MROH1: variants seen among roughly 807,000 people sequenced by gnomAD.
The protein encoded by MROH1 is maestro heat-like repeat-containing protein family member 1.
MROH1 carries 117 observed loss-of-function variants against 116.5 expected under a neutral mutation model. The ratio of observed to expected loss-of-function variants is 1.00; its 90% CI spans 0.86 to 1.17. MROH1 has a LOEUF of 1.17. Ranked by LOEUF, MROH1 falls within the 50% of genes most tolerant of loss-of-function variation. The pLI, the probability that MROH1 is intolerant of heterozygous loss-of-function variation, is 0.00. For synonymous variants in MROH1, 921 were observed against 583.9 expected (o/e 1.58, Z -8.32); for missense variants, 1,873 against 1,338.5 (o/e 1.40, Z -6.23).
At position 144,180,046 on chromosome 8, in the gene MROH1, C is replaced by T; in HGVS notation, c.301-132C>T. ...CAGCCCCTCAGCAGAGGAGGCTGTGCCCGCCACCTTCCCTGACCTGCACTT... is the reference window on the plus strand; with the variant it reads ...CAGCCCCTCAGCAGAGGAGGCTGTGTCCGCCACCTTCCCTGACCTGCACTT... On this transcript the variant is annotated intron_variant, in intron 5 of 43. Coordinates refer to ENST00000326134, the MANE Select transcript of MROH1 (RefSeq NM_032450.3). The surrounding 1 kb of genome is among the most constrained non-coding windows in gnomAD (Gnocchi z 7.4). The T allele has an allele frequency of 2.6e-6, 3 of 1,133,490 alleles. No homozygotes were observed. The highest frequency in any genetic ancestry group is 4.8e-5 in the East Asian group (2 of 41,998). The allele number at this position is 1,133,490 out of a possible 1,614,324, so 70.2% of individuals were successfully genotyped here. A position where few individuals can be genotyped will look rare whatever the true frequency, so the allele number is the denominator to read the frequency against.
chr8:144,216,001 A>G (rs980912516), intron 12 of MROH1, among the ~76,000 whole-genome samples: 4 of 151,634 alleles, frequency 2.6e-5, no homozygotes, highest in African/African-American at 9.7e-5. Context: ...CCTGGCCAAC[A>G]TGGTGAAACC....
At chr8:144,230,802 C>CTT (rs1161687289) in intron 14 of MROH1, among the ~76,000 whole-genome samples, 46 of 68,602 alleles carry the variant, frequency 6.7e-4, no homozygotes, top group African/African-American at 2.1e-3. Context: ...AAAAGGTTTT[C>CTT]TTTTTTTTTT....
At position 144,260,736 on chromosome 8, in the gene MROH1, C is replaced by T. The variant is rs1844882612; in HGVS notation, c.4440C>T (p.Cys1480=). The T allele has an allele frequency of 9.0e-6, 7 of 779,512 alleles. No individual in the cohort carries two copies. The highest frequency in any genetic ancestry group is 5.1e-5 in the African/African-American group (3 of 59,278). The allele number at this position is 779,512 out of a possible 1,614,324, so 48.3% of individuals were successfully genotyped here. Residue 1480 remains cysteine, a synonymous_variant, in exon 40 of 44, where the codon TGC becomes TGT. Coordinates refer to ENST00000326134, the MANE Select transcript of MROH1 (RefSeq NM_032450.3). ...IRLFGHLNKV[C]HGDCEDVFLD... ...TCTTTGGGCACCTTAACAAGGTCTG[C>T]CACGGAGACTGTGAGGACGTCTTCC...
intron 12 of MROH1, among the ~76,000 whole-genome samples, chr8:144,203,572 G>A (rs1273169714): frequency 2.0e-5 from 3 of 152,040 alleles, no homozygotes; most frequent in Non-Finnish European, 4.4e-5. Context: ...AGAGAGAGAA[G>A]CGCAGGCTCT....
intron 1 of MROH1, among the ~76,000 whole-genome samples, chr8:144,152,751 G>A (rs1817147826): frequency 1.3e-5 from 2 of 152,152 alleles, no homozygotes; most frequent in East Asian, 1.9e-4. Context: ...GTTTTACTGT[G>A]TTGGCCAGGA....
At chr8:144,214,809 C>T (rs1834907694) in intron 12 of MROH1, among the ~76,000 whole-genome samples, 1 of 152,114 alleles carries the variant, frequency 6.6e-6, no homozygotes, top group Non-Finnish European at 1.5e-5. Flanking sequence ...TAATAGGATA[C>T]ATGTGTATAT....
intron 10 of MROH1, among the ~76,000 whole-genome samples, chr8:144,196,290 CAAA>C (rs35458137): frequency 1.5e-5 from 2 of 129,064 alleles, no homozygotes; most frequent in Admixed American, 7.9e-5. Context: ...ATTCCGTCTC[CAAA>C]AAAAAAAAAA....
intron 3 of MROH1, among the ~76,000 whole-genome samples, chr8:144,165,579 T>G (rs1820607355): frequency 6.6e-6 from 1 of 151,998 alleles, no homozygotes; most frequent in Admixed American, 6.6e-5. Context: ...TCAATCTTTT[T>G]TGTGTGTGTT....
At chr8:144,235,286 A>G (rs1232941067) in intron 14 of MROH1, among the ~76,000 whole-genome samples, 4 of 152,192 alleles carry the variant, frequency 2.6e-5, no homozygotes, top group Non-Finnish European at 5.9e-5. Flanking sequence ...TAGGATTTCT[A>G]TAAGGATTGT....
At chr8:144,256,731 G>A (rs2129741401) in intron 35 of MROH1, among the ~76,000 whole-genome samples, 1 of 152,344 alleles carries the variant, frequency 6.6e-6, no homozygotes, top group East Asian at 1.9e-4. Context: ...GACCCTTGTG[G>A]GTGCCACATT....
At chr8:144,246,954 T>G (rs911740845) in intron 29 of MROH1, among the ~76,000 whole-genome samples, 144 of 152,308 alleles carry the variant, frequency 9.5e-4, no homozygotes, top group Middle Eastern at 6.8e-3. Flanking sequence ...CGTGCACTCC[T>G]CCCATTTGGG....
chr8:144,259,795 T>C, intron 37 of MROH1, 116 bp from the exon 38 acceptor site: 1 of 699,438 alleles, frequency 1.4e-6, no homozygotes, highest in Non-Finnish European at 2.6e-6. Context: ...GAGTAGGTGC[T>C]CCACCTCTGT....
At chr8:144,241,232 G>T in intron 21 of MROH1, 121 bp downstream of exon 21, 1 of 693,958 alleles carries the variant, frequency 1.4e-6, no homozygotes, top group Non-Finnish European at 2.7e-6. Context: ...GCATACACAG[G>T]TGGTGTGCGT....
intron 12 of MROH1, among the ~76,000 whole-genome samples, chr8:144,208,185 C>T (rs942887907): frequency 6.6e-6 from 1 of 152,120 alleles, no homozygotes; most frequent in South Asian, 2.1e-4. Context: ...CTCAGGTGAT[C>T]CGCCCGCCTC....
chr8:144,155,968 G>A (rs910978174), intron 1 of MROH1, among the ~76,000 whole-genome samples: 8,240 of 151,818 alleles, frequency 0.054, 287 homozygotes, highest in Middle Eastern at 0.082. Flanking sequence ...GCCGGGCGCG[G>A]TGGCTCACGC....
At chr8:144,192,760 G>C in intron 10 of MROH1, 1 of 421,712 alleles carries the variant, frequency 2.4e-6, no homozygotes, top group Non-Finnish European at 4.5e-6. Context: ...AGGAGCAGAG[G>C]AGAGGCCCTG....
intron 14 of MROH1, among the ~76,000 whole-genome samples, chr8:144,234,898 T>C (rs1401931804): frequency 6.8e-6 from 1 of 146,824 alleles, no homozygotes; most frequent in Non-Finnish European, 1.5e-5. Flanking sequence ...TTTCTTTTTT[T>C]TTTTTTTTTT....
intron 14 of MROH1, among the ~76,000 whole-genome samples, chr8:144,226,682 GCCTGAAGTGAT>G (rs1458021662): frequency 3.3e-5 from 5 of 151,314 alleles, no homozygotes; most frequent in East Asian, 3.9e-4. Flanking sequence ...CAAACTCCTG[GCCTGAAGTGAT>G]CCACCCGCCT....
chr8:144,238,957 C>T, intron 15 of MROH1, 78 bp from the exon 16 acceptor site: 1 of 770,166 alleles, frequency 1.3e-6, no homozygotes, highest in East Asian at 2.4e-5. Context: ...TCTGTCTCCA[C>T]CTTGGAGCTC....
Sources: allele counts gnomAD v4.1 joint callset (sites outside exome capture counted in the v4.1 genomes callset), GRCh38; gene constraint gnomAD v4.1.1; non-coding constraint Gnocchi (gnomAD v3.1); transcripts MANE v1.5; gene names NCBI Gene and HGNC (gene_info 2026-07-23, HGNC 2026-07-21).